The following CSMD1 variants were observed in gnomAD, a reference collection of about 807,000 sequenced individuals.
CSMD1 encodes the protein CUB and Sushi multiple domains 1.
A neutral mutation model predicts 417.5 loss-of-function variants in CSMD1; 213 were observed. That is an observed-to-expected ratio of 0.51 (90% CI 0.46 to 0.57). CSMD1 has a LOEUF of 0.57. CSMD1 is among the 20% of genes least tolerant of loss of function. CSMD1 has a pLI of 0.00. For missense variants in CSMD1, 6,923 were observed against 4,529.7 expected (o/e 1.53, Z -15.17); for synonymous variants, 2,862 against 1,736.8 (o/e 1.65, Z -16.11).
intron 7 of CSMD1, among the ~76,000 whole-genome samples, chr8:3,647,121 T>C (rs556507039): frequency 6.6e-6 from 1 of 152,222 alleles, no homozygotes; most frequent in East Asian, 1.9e-4. Context: ...CAGGAAGGAA[T>C]AAATCATAGG....
At chr8:4,062,051 C>T (rs755997374) in intron 3 of CSMD1, among the ~76,000 whole-genome samples, 11 of 152,052 alleles carry the variant, frequency 7.2e-5, no homozygotes, top group Middle Eastern at 3.2e-3. Context: ...ATGCAGAGTG[C>T]CAGCTGCCGT....
At position 3,513,784 on chromosome 8, in the gene CSMD1, G is replaced by C. The variant is rs1033519367; in HGVS notation, c.1345-20058C>G. On this transcript the variant is annotated intron_variant, in intron 10 of 69. Coordinates refer to ENST00000635120, the MANE Select transcript of CSMD1 (RefSeq NM_033225.6). Reference sequence around the variant, plus strand: ...GTGCAGCTTCACCAAACACATGAGAGATAGACAGCATTTTAATTACGTAAT... The same window carrying C: ...GTGCAGCTTCACCAAACACATGAGACATAGACAGCATTTTAATTACGTAAT... Among the ~76,000 whole-genome samples, 4 of 152,310 alleles carry C rather than the reference G, an allele frequency of 2.6e-5. No homozygotes were observed. In the South Asian group the frequency reaches 6.2e-4, roughly 24 times the overall value.
At chr8:4,404,175 A>G (rs959127392) in intron 3 of CSMD1, among the ~76,000 whole-genome samples, 4 of 152,160 alleles carry the variant, frequency 2.6e-5, no homozygotes, top group African/African-American at 9.7e-5. Flanking sequence ...TCTATTTAAT[A>G]TTGAAACTCA....
intron 2 of CSMD1, among the ~76,000 whole-genome samples, chr8:4,427,506 C>G (rs868058385): frequency 1.2e-4 from 18 of 152,104 alleles, no homozygotes; most frequent in Admixed American, 9.8e-4. Flanking sequence ...CACACACACA[C>G]ACACACATGC....
At chr8:4,080,477 T>C (rs1250076719) in intron 3 of CSMD1, among the ~76,000 whole-genome samples, 1 of 152,220 alleles carries the variant, frequency 6.6e-6, no homozygotes, top group Admixed American at 6.5e-5. Flanking sequence ...TTTATTAAGC[T>C]CTCTGGGTTC....
At chr8:4,152,490 A>G (rs547788403) in intron 3 of CSMD1, among the ~76,000 whole-genome samples, 243 of 151,626 alleles carry the variant, frequency 1.6e-3, no homozygotes, top group African/African-American at 5.6e-3. Flanking sequence ...GGAGTATGGA[A>G]AACACTGCAA....
chr8:4,020,278 G>C (rs966819017), intron 4 of CSMD1, among the ~76,000 whole-genome samples: 1 of 152,188 alleles, frequency 6.6e-6, no homozygotes, highest in Non-Finnish European at 1.5e-5. Context: ...ATTTGCCCCA[G>C]GTGACCAGTG....
intron 3 of CSMD1, among the ~76,000 whole-genome samples, chr8:4,094,805 G>T (rs192349794): frequency 6.6e-6 from 1 of 152,282 alleles, no homozygotes; most frequent in Admixed American, 6.5e-5. Context: ...AAACAGGCCT[G>T]CCAGGGAGCA....
intron 7 of CSMD1, among the ~76,000 whole-genome samples, chr8:3,629,375 T>A (rs1584985807): frequency 6.6e-6 from 1 of 152,198 alleles, no homozygotes; most frequent in South Asian, 2.1e-4. Context: ...TTTATATGTG[T>A]ATTTAGTTAC....
chr8:3,364,604 G>C (rs1167287008), intron 20 of CSMD1, among the ~76,000 whole-genome samples: 1 of 152,118 alleles, frequency 6.6e-6, no homozygotes. Context: ...TTTTGGGAGT[G>C]TTTATGTCAT....
rs1356179473 is a variant in CSMD1 at position 4,299,456 on chromosome 8, T to A, written c.415+120497A>T. Among the ~76,000 whole-genome samples, 7 of 152,142 alleles carry A rather than the reference T, an allele frequency of 4.6e-5. No individual in the cohort carries two copies. In the South Asian group the frequency reaches 1.2e-3, roughly 27 times the overall value. On this transcript the variant is annotated intron_variant, in intron 3 of 69. Transcript: ENST00000635120. ...AGTCTTTCAAAAAGCCACTAGTAATTGGTTCTTTAATTCAACAGATACTTA... is the reference window on the plus strand; with the variant it reads ...AGTCTTTCAAAAAGCCACTAGTAATAGGTTCTTTAATTCAACAGATACTTA...
At position 3,290,094 on chromosome 8, in the gene CSMD1, C is replaced by T. The variant is rs1375898222; in HGVS notation, c.3951-5748G>A. On this transcript the variant is annotated intron_variant, in intron 25 of 69. Coordinates refer to ENST00000635120, the MANE Select transcript of CSMD1 (RefSeq NM_033225.6). ...TTTATTAAATAGGGAATGCTTTCCCCATTGCTTGTTTTTGTCAGGTTTGTC... is the reference window on the plus strand; with the variant it reads ...TTTATTAAATAGGGAATGCTTTCCCTATTGCTTGTTTTTGTCAGGTTTGTC... 2.7e-5 allele frequency among the ~76,000 whole-genome samples: 4 copies of T among 146,918 alleles called. 1 individual carries two copies. The highest frequency in any genetic ancestry group is 8.1e-5 in the African/African-American group (3 of 36,810).
intron 40 of CSMD1, among the ~76,000 whole-genome samples, chr8:3,145,883 G>C (rs1198847938): frequency 6.6e-6 from 1 of 152,200 alleles, no homozygotes; most frequent in Non-Finnish European, 1.5e-5. Flanking sequence ...TGAAAATTAA[G>C]TGCCAGTGAC....
chr8:4,893,686 C>G (rs1223615418), intron 1 of CSMD1, among the ~76,000 whole-genome samples: 1 of 152,122 alleles, frequency 6.6e-6, no homozygotes, highest in East Asian at 1.9e-4. Context: ...AAACTGTCAC[C>G]TGTACCATAG....
At chr8:3,359,488 T>C in intron 20 of CSMD1, 148 bp from the exon 21 acceptor site, 1 of 592,910 alleles carries the variant, frequency 1.7e-6, no homozygotes, top group Non-Finnish European at 2.8e-6. Flanking sequence ...GTTACGTGCA[T>C]TTTTTTTCTT....
intron 3 of CSMD1, among the ~76,000 whole-genome samples, chr8:4,141,503 TGA>T (rs1803788295): frequency 6.6e-6 from 1 of 151,152 alleles, no homozygotes; most frequent in Non-Finnish European, 1.5e-5. Flanking sequence ...ACAATAATCC[TGA>T]GAGTTATTCG....
intron 2 of CSMD1, among the ~76,000 whole-genome samples, chr8:4,559,399 C>T (rs1266417154): frequency 6.6e-6 from 1 of 151,930 alleles, no homozygotes; most frequent in African/African-American, 2.4e-5. Flanking sequence ...ACTATTTCAC[C>T]AAATACACTG....
intron 1 of CSMD1, among the ~76,000 whole-genome samples, chr8:4,700,041 A>G (rs1470242014): frequency 6.6e-6 from 1 of 152,228 alleles, no homozygotes; most frequent in African/African-American, 2.4e-5. Flanking sequence ...ACAAAGAGCC[A>G]TGAAGGAGAA....
At chr8:3,925,752 G>T (rs562034136) in intron 5 of CSMD1, among the ~76,000 whole-genome samples, 6 of 152,190 alleles carry the variant, frequency 3.9e-5, no homozygotes, top group Non-Finnish European at 7.4e-5. Flanking sequence ...CAGCCATGTG[G>T]AACTGTAAGT....
Sources: gnomAD v4.1 joint callset for allele counts (sites outside exome capture counted in the v4.1 genomes callset) on GRCh38, gnomAD v4.1.1 for gene constraint, MANE v1.5 for transcripts, NCBI Gene and HGNC (gene_info 2026-07-23, HGNC 2026-07-21) for gene names.